The following MTFR1 variants were observed in gnomAD, a reference collection of about 807,000 sequenced individuals.
The protein encoded by MTFR1 is mitochondrial fission regulator 1.
MTFR1 carries 28 observed loss-of-function variants against 38.8 expected under a neutral mutation model. That is an observed-to-expected ratio of 0.72 (90% CI 0.53 to 0.99). MTFR1 has a LOEUF of 0.99. Ranked by LOEUF, MTFR1 falls within the 50% of genes least tolerant of loss-of-function variation. The probability of loss-of-function intolerance (pLI) is 0.00; values close to 1 mark genes in which losing one functional copy is unlikely to be tolerated. For synonymous variants in MTFR1, 145 were observed against 137.0 expected (o/e 1.06, Z -0.41); for missense variants, 358 against 395.5 (o/e 0.91, Z 0.81).
chr8:65,669,614 C>T (rs921131767), intron 1 of MTFR1, among the ~76,000 whole-genome samples: 1 of 151,472 alleles, frequency 6.6e-6, no homozygotes, highest in Non-Finnish European at 1.5e-5. Context: ...TACAATGGCG[C>T]GATCTTGGCT....
chr8:65,741,163 T>C (rs184995484), intron 3 of MTFR1, among the ~76,000 whole-genome samples: 1 of 152,362 alleles, frequency 6.6e-6, no homozygotes, highest in African/African-American at 2.4e-5. Context: ...TACTATATTA[T>C]TTTAACAATT....
At chr8:65,718,638 C>T (rs966130286) in intron 2 of MTFR1, 1 of 152,464 alleles carries the variant, frequency 6.6e-6, no homozygotes, top group Non-Finnish European at 1.5e-5. Context: ...GATAAATGCT[C>T]AGTTTCCAGT....
At chr8:65,757,426 T>C (rs910531351) in intron 3 of MTFR1, among the ~76,000 whole-genome samples, 8 of 152,288 alleles carry the variant, frequency 5.3e-5, no homozygotes, top group African/African-American at 1.7e-4. Flanking sequence ...ACTAGTCCAG[T>C]CCATCATAGT....
Position 65,656,647 on chromosome 8 carries a change from A to G in MTFR1, c.-81+11863A>G, listed in dbSNP as rs1809279041. On this transcript the variant is annotated intron_variant, in intron 1 of 7. Transcript: ENST00000262146. ...CTCCCAAGTAGCTGGAATTACAGGC[A>G]CCCACCATCATGCCTGGCTAATTTT... 3.3e-5 allele frequency among the ~76,000 whole-genome samples: 5 copies of G among 151,816 alleles called. No individual in the cohort carries two copies. The South Asian group carries it at 1.0e-3, about 32-fold the overall frequency.
chr8:65,688,230 A>C (rs62507608), intron 3 of MTFR1, among the ~76,000 whole-genome samples: 7 of 147,896 alleles, frequency 4.7e-5, no homozygotes, highest in Non-Finnish European at 7.4e-5. Flanking sequence ...TGAAACCTCA[A>C]CTCTATTAAA....
At chr8:65,689,399 A>G (rs1484345323) in intron 3 of MTFR1, among the ~76,000 whole-genome samples, 4 of 152,162 alleles carry the variant, frequency 2.6e-5, no homozygotes, top group Non-Finnish European at 5.9e-5. Flanking sequence ...TTTTTTTGGT[A>G]TATTATCAGA....
At chr8:65,757,927 CT>C (rs1447938791) in intron 3 of MTFR1, among the ~76,000 whole-genome samples, 1 of 152,154 alleles carries the variant, frequency 6.6e-6, no homozygotes, top group South Asian at 2.1e-4. Context: ...AACTCCAAGA[CT>C]TTTAATGTAA....
chr8:65,739,355 A>C, intron 3 of MTFR1: 2 of 891,340 alleles, frequency 2.2e-6, no homozygotes, highest in East Asian at 3.8e-5. Context: ...CAGATGCAAG[A>C]GCTAAATAAC....
chr8:65,697,412 A>G (rs1031965251), intron 4 of MTFR1, among the ~76,000 whole-genome samples: 10 of 152,234 alleles, frequency 6.6e-5, no homozygotes, highest in East Asian at 1.9e-4. Context: ...TAAACTCAGC[A>G]TTATTCTCTG....
At chr8:65,720,474 C>CA (rs1315816228) in intron 3 of MTFR1, 2 of 154,258 alleles carry the variant, frequency 1.3e-5, no homozygotes, top group African/African-American at 4.8e-5. Flanking sequence ...ATAAGAATCT[C>CA]ACCAGAATTA....
chr8:65,682,272 A>C (rs907705715), intron 2 of MTFR1, 81 bp from the exon 3 acceptor site: 12 of 593,928 alleles, frequency 2.0e-5, no homozygotes, highest in Admixed American at 5.8e-5. Flanking sequence ...TTAGTATGTC[A>C]TACAAATAAT....
chr8:65,773,779 T>C (rs1042054724), downstream of MTFR1, among the ~76,000 whole-genome samples: 1 of 152,150 alleles, frequency 6.6e-6, no homozygotes, highest in African/African-American at 2.4e-5. Flanking sequence ...CTTCTAACAA[T>C]CTAATCATTT....
chr8:65,705,732 G>A (rs949459323), intron 5 of MTFR1, among the ~76,000 whole-genome samples: 1 of 152,186 alleles, frequency 6.6e-6, no homozygotes, highest in African/African-American at 2.4e-5. Flanking sequence ...CTATGTTACT[G>A]AGTTATTGTG....
chr8:65,751,772 G>A (rs962161779), intron 3 of MTFR1, among the ~76,000 whole-genome samples: 3 of 152,168 alleles, frequency 2.0e-5, no homozygotes, highest in Admixed American at 6.5e-5. Context: ...GATTACAGGC[G>A]TGAGCCACTG....
At chr8:65,739,216 C>T (rs181844241) in intron 3 of MTFR1, among the ~76,000 whole-genome samples, 3 of 152,296 alleles carry the variant, frequency 2.0e-5, no homozygotes, top group East Asian at 3.9e-4. Flanking sequence ...TATGTAGAGC[C>T]GAGATGGGTC....
At chr8:65,711,228 C>CTT (rs1805934967), downstream of MTFR1, among the ~76,000 whole-genome samples, 1 of 152,184 alleles carries the variant, frequency 6.6e-6, no homozygotes, top group Non-Finnish European at 1.5e-5. Context: ...AGGGGTAGGA[C>CTT]TTGCAGTCTT....
chr8:65,699,758 A>G (rs542600829), intron 4 of MTFR1, among the ~76,000 whole-genome samples: 1 of 152,310 alleles, frequency 6.6e-6, no homozygotes, highest in Non-Finnish European at 1.5e-5. Flanking sequence ...CCCGAATGGA[A>G]TCTACCCTTC....
chr8:65,719,830 AG>A, intron 3 of MTFR1: 1 of 294,350 alleles, frequency 3.4e-6, no homozygotes. Context: ...ACTCGGGCAT[AG>A]CCCAATTCGA....
rs945643318 is a variant in MTFR1 at position 65,709,025 on chromosome 8, A to C, written c.983A>C (p.Glu328Ala). ...KPTGKMKALI[E>A]NVSDS ...ACAGGAAAAATGAAGGCTTTAATTG[A>C]AAATGTATCAGACTCCTAATAGACA... Residue 328 changes from glutamate (E) to alanine (A), a missense_variant, in exon 8 of 8, where the codon GAA becomes GCA. Transcript: ENST00000262146. 1 of 1,613,976 alleles carries C rather than the reference A, an allele frequency of 6.2e-7. No homozygotes were observed. The highest frequency in any genetic ancestry group is 8.5e-7 in the Non-Finnish European group (1 of 1,179,840).
Sources: allele counts gnomAD v4.1 joint callset (sites outside exome capture counted in the v4.1 genomes callset), GRCh38; gene constraint gnomAD v4.1.1; transcripts MANE v1.5; gene names NCBI Gene and HGNC (gene_info 2026-07-23, HGNC 2026-07-21).